The following GPC4 variants were observed in gnomAD, a reference collection of about 807,000 sequenced individuals.
GPC4 encodes the protein glypican 4, also known as glypican-4.
In GPC4, 10 loss-of-function variants were observed where a neutral mutation model predicts 35.0. The ratio of observed to expected loss-of-function variants is 0.29; its 90% CI spans 0.18 to 0.48. The LOEUF is 0.48. Among genes scored for constraint, GPC4 ranks in the 20% least tolerant of loss-of-function variants. GPC4 has a pLI of 0.99. For missense variants in GPC4, 322 were observed against 451.3 expected, an observed-to-expected ratio of 0.71 and a Z score of 2.60; for synonymous variants, 167 against 170.2, an observed-to-expected ratio of 0.98 and a Z score of 0.15.
chrX:133,353,928 G>A (rs775310209), intron 1 of GPC4, among the ~76,000 whole-genome samples: 16 of 111,217 alleles, frequency 1.4e-4, no homozygotes, highest in Non-Finnish European at 3.0e-4. Flanking sequence ...CAGATGGCAC[G>A]CAGCATTACT....
At chrX:133,371,958 G>A (rs1177072558) in intron 1 of GPC4, among the ~76,000 whole-genome samples, 1 of 111,226 alleles carries the variant, frequency 9.0e-6, no homozygotes, top group African/African-American at 3.3e-5. Flanking sequence ...GGAAGGCCGG[G>A]CGCGGTGGCT....
chrX:133,389,358 C>G (rs887977384), intron 1 of GPC4, among the ~76,000 whole-genome samples: 9 of 111,779 alleles, frequency 8.1e-5, no homozygotes, highest in Admixed American at 2.9e-4. Context: ...GCTGGGCACA[C>G]AGGAGATATT....
intron 1 of GPC4, among the ~76,000 whole-genome samples, chrX:133,360,642 C>T (rs1052651783): frequency 8.9e-6 from 1 of 111,982 alleles, no homozygotes; most frequent in African/African-American, 3.2e-5. Flanking sequence ...TACACAAATA[C>T]TCCAGTTGCA....
intron 1 of GPC4, among the ~76,000 whole-genome samples, chrX:133,369,417 T>A (rs1281039849): frequency 1.8e-5 from 2 of 111,938 alleles, no homozygotes; most frequent in East Asian, 2.8e-4. Context: ...CTTTTTCCCA[T>A]TAGACAGTGT....
intron 3 of GPC4, among the ~76,000 whole-genome samples, chrX:133,313,470 G>A (rs1487207482): frequency 8.9e-6 from 1 of 112,533 alleles, no homozygotes; most frequent in African/African-American, 3.2e-5. Context: ...ATATACCCTG[G>A]AGGAATGGCC....
At chrX:133,358,085 A>G (rs1217099675) in intron 1 of GPC4, among the ~76,000 whole-genome samples, 2 of 112,359 alleles carry the variant, frequency 1.8e-5, no homozygotes, top group Admixed American at 9.4e-5. Flanking sequence ...TCAGGCTACA[A>G]CCTGCAATAC....
intron 1 of GPC4, among the ~76,000 whole-genome samples, chrX:133,403,635 T>C (rs143432421): frequency 9.0e-6 from 1 of 110,678 alleles, no homozygotes; most frequent in African/African-American, 3.3e-5. Context: ...CCACATGCCA[T>C]GCAGTATGTT....
chrX:133,348,140 A>G (rs2068501210), intron 1 of GPC4, among the ~76,000 whole-genome samples: 1 of 112,833 alleles, frequency 8.9e-6, no homozygotes, highest in Non-Finnish European at 1.9e-5. Context: ...ACTGCACTCC[A>G]GACAGAAATC....
chrX:133,387,495 AGAAG>A (rs1213380865), intron 1 of GPC4, among the ~76,000 whole-genome samples: 5 of 111,673 alleles, frequency 4.5e-5, no homozygotes, highest in African/African-American at 6.5e-5. Context: ...AAAAAAGGAA[AGAAG>A]GAAGGAGAAA....
chrX:133,414,248 G>A (rs2068826908), intron 1 of GPC4, among the ~76,000 whole-genome samples: 1 of 109,526 alleles, frequency 9.1e-6, no homozygotes, highest in Non-Finnish European at 1.9e-5. Flanking sequence ...GTGCAAGAGA[G>A]GCGGGGAGAG....
intron 2 of GPC4, among the ~76,000 whole-genome samples, chrX:133,327,640 TGTG>T (rs1569344328): frequency 1.8e-4 from 1 of 5,709 alleles, no homozygotes; most frequent in African/African-American, 2.4e-4. Flanking sequence ...CAGGAAAGTG[TGTG>T]TGTGTGTGTG....
At chrX:133,407,520 C>CT (rs923306803) in intron 1 of GPC4, among the ~76,000 whole-genome samples, 8 of 111,589 alleles carry the variant, frequency 7.2e-5, no homozygotes, top group East Asian at 2.8e-4. Context: ...TATCCTCATG[C>CT]TTTTTTTTCC....
chrX:133,380,554 C>T (rs780054903), intron 1 of GPC4, among the ~76,000 whole-genome samples: 18 of 111,482 alleles, frequency 1.6e-4, no homozygotes, highest in African/African-American at 4.2e-4. Context: ...GAATCCCTCC[C>T]GCCAAACTGA....
chrX:133,308,986 GAA>G (rs751235484), intron 4 of GPC4, among the ~76,000 whole-genome samples: 1 of 73,851 alleles, frequency 1.4e-5, no homozygotes. Context: ...CTTGCAAACA[GAA>G]AAAAAAAAAA....
At chrX:133,389,015 G>A (rs1189073669) in intron 1 of GPC4, among the ~76,000 whole-genome samples, 2 of 99,038 alleles carry the variant, frequency 2.0e-5, no homozygotes, top group African/African-American at 7.9e-5. Context: ...GAAGTGCAGT[G>A]GCACAATCTG....
At chrX:133,304,069 G>A (rs1317506276) in intron 7 of GPC4, among the ~76,000 whole-genome samples, 4 of 108,445 alleles carry the variant, frequency 3.7e-5, no homozygotes, top group Admixed American at 2.0e-4. Flanking sequence ...TGAGGCAGGC[G>A]GATCACAAGG....
At chrX:133,346,109 C>G (rs760213125) in intron 1 of GPC4, among the ~76,000 whole-genome samples, 25 of 111,319 alleles carry the variant, frequency 2.2e-4, no homozygotes, top group African/African-American at 6.5e-4. Context: ...CAAAGTTACA[C>G]TCCTATGCAA....
In GPC4 at chrX:133,379,563, T is replaced by G. The variant is rs1045538823; in HGVS notation, c.160+35243A>C. Among the ~76,000 whole-genome samples the G allele has an allele frequency of 3.6e-5, 4 of 112,121 alleles. No homozygotes were observed. In the Admixed American group the frequency reaches 3.8e-4, roughly 11 times the overall value. On this transcript the variant is annotated intron_variant, in intron 1 of 8. Transcript: ENST00000370828. ...ACTTTAAGTTGGTTGAAATGGTGAA[T>G]TTTATGTTATGTGAGTTTCAACAAA...
chrX:133,320,025 T>G (rs1321254921), intron 3 of GPC4, among the ~76,000 whole-genome samples: 3 of 111,782 alleles, frequency 2.7e-5, no homozygotes, highest in Admixed American at 9.5e-5. Flanking sequence ...ATAATATAAT[T>G]AATTTAATTA....
Sources: gnomAD v4.1 joint callset for allele counts (sites outside exome capture counted in the v4.1 genomes callset) on GRCh38, gnomAD v4.1.1 for gene constraint, MANE v1.5 for transcripts, NCBI Gene and HGNC (gene_info 2026-07-23, HGNC 2026-07-21) for gene names.